The following ZDHHC11B variants were observed in gnomAD, a reference collection of about 807,000 sequenced individuals.
The protein encoded by ZDHHC11B is zDHHC palmitoyltransferase 11B (putative).
Under a neutral mutation model 42.3 loss-of-function variants are expected in ZDHHC11B, and 17 were observed. The ratio of observed to expected loss-of-function variants is 0.40; its 90% CI spans 0.27 to 0.60. The LOEUF is 0.60. ZDHHC11B is among the 20% of genes least tolerant of loss of function. The probability of loss-of-function intolerance (pLI) is 0.41; values close to 1 mark genes in which losing one functional copy is unlikely to be tolerated. For missense variants in ZDHHC11B, 262 were observed against 463.2 expected (o/e 0.57, Z 3.99); for synonymous variants, 123 against 193.5 (o/e 0.64, Z 3.02).
At chr5:754,225 C>T (rs1746221741) in intron 6 of ZDHHC11B, among the ~76,000 whole-genome samples, 1 of 121,404 alleles carries the variant, frequency 8.2e-6, no homozygotes, top group African/African-American at 2.8e-5. Context: ...AAACACGTCT[C>T]ATCTATGAGC....
intron 12 of ZDHHC11B, among the ~76,000 whole-genome samples, chr5:728,124 A>T (rs1230592014): frequency 6.6e-6 from 1 of 151,796 alleles, no homozygotes. Context: ...TAATTCATAC[A>T]AGAGGAACTG....
At chr5:737,740 C>T in intron 10 of ZDHHC11B, among the ~76,000 whole-genome samples, 1 of 149,420 alleles carries the variant, frequency 6.7e-6, no homozygotes. Context: ...AAGCATCTGA[C>T]AAACTCTGCC....
intron 1 of ZDHHC11B, among the ~76,000 whole-genome samples, chr5:775,958 C>T (rs796409573): frequency 0.43 from 50,347 of 116,628 alleles, 8,648 homozygotes; most frequent in Admixed American, 0.46. Context: ...GAGTGCATGC[C>T]AGGAACCCCT....
At chr5:748,758 C>A (rs1428872280) in intron 7 of ZDHHC11B, among the ~76,000 whole-genome samples, 199 bp from the exon 8 acceptor site, 1 of 129,862 alleles carries the variant, frequency 7.7e-6, no homozygotes, top group East Asian at 3.2e-4. Context: ...TTTCATGATC[C>A]CTGCTTTATG....
rs576432603 is a variant in ZDHHC11B at position 733,672 on chromosome 5, C to T, written c.1023+80G>A. The T allele has an allele frequency of 7.0e-5, 90 of 1,290,878 alleles. 1 individual carries two copies. In the African/African-American group the frequency reaches 1.1e-3, roughly 15 times the overall value. 80.0% of individuals were successfully genotyped at this position (1,290,878 alleles called of 1,614,324 possible). The stretch of plus-strand genomic sequence containing the variant: ...GCTTCTATTCTGAATACTGCCTTAA[C>T]CTCAGCTTGGGGGACCCGAGACCAC... On this transcript the variant is annotated intron_variant, in intron 11 of 13. Coordinates refer to ENST00000508859, the MANE Select transcript of ZDHHC11B (RefSeq NM_001351303.2).
At chr5:714,969 C>T (rs1184115683) in intron 13 of ZDHHC11B, among the ~76,000 whole-genome samples, 13 of 151,242 alleles carry the variant, frequency 8.6e-5, no homozygotes, top group Admixed American at 5.3e-4. Context: ...CCCAGCCCTT[C>T]GCCTCCTCTC....
At chr5:775,752 G>A (rs1736421093) in intron 1 of ZDHHC11B, among the ~76,000 whole-genome samples, 1 of 151,754 alleles carries the variant, frequency 6.6e-6, no homozygotes, top group African/African-American at 2.4e-5. Flanking sequence ...CCTGGCAGGG[G>A]CCATGCTGGC....
rs747080342 is a variant in ZDHHC11B at position 732,506 on chromosome 5, G to C, written c.1023+1246C>G. 47 of 347,688 alleles carry C rather than the reference G, an allele frequency of 1.4e-4. 1 individual carries two copies. The highest frequency in any genetic ancestry group is 2.5e-4 in the Non-Finnish European group (43 of 171,830). The allele number at this position is 347,688 out of a possible 1,614,324, so 21.5% of individuals were successfully genotyped here. ...GCGGGGGTGGGCTGGGGGCTCGATT[G>C]GTTTCCACTGAGTGTCTCCAAATCT... On this transcript the variant is annotated intron_variant, in intron 11 of 13. Transcript: ENST00000508859.
At chr5:773,119 G>A (rs568467524) in intron 1 of ZDHHC11B, among the ~76,000 whole-genome samples, 11 of 151,890 alleles carry the variant, frequency 7.2e-5, no homozygotes, top group African/African-American at 2.7e-4. Flanking sequence ...CACAATGACG[G>A]TAATAAGAAT....
intron 8 of ZDHHC11B, among the ~76,000 whole-genome samples, chr5:745,671 T>G (rs1299255189): frequency 1.3e-5 from 2 of 150,088 alleles, no homozygotes; most frequent in Non-Finnish European, 3.0e-5. Context: ...GCCCTGGGAT[T>G]GCTGGCAGGG....
Position 723,413 on chromosome 5 carries a change from T to C in ZDHHC11B, c.1059-6548A>G. Among the ~76,000 whole-genome samples, 2 of 127,244 alleles carry C rather than the reference T, an allele frequency of 1.6e-5. 1 individual carries two copies. Among genetic ancestry groups the C allele is most frequent in the Non-Finnish European group, 3.4e-5 (2 of 58,366 alleles). The allele number at this position is 127,244 out of a possible 152,430, so 83.5% of individuals were successfully genotyped here. A position where few individuals can be genotyped will look rare whatever the true frequency, so the allele number is the denominator to read the frequency against. The stretch of plus-strand genomic sequence containing the variant: ...TGAGGAATAGGGGCTCAGAGTGGTT[T>C]AAAAACTTATGAGATTATAGAACCA... On this transcript the variant is annotated intron_variant, in intron 12 of 13. Coordinates refer to ENST00000508859, the MANE Select transcript of ZDHHC11B (RefSeq NM_001351303.2).
chr5:724,364 C>T (rs1472046997), intron 12 of ZDHHC11B, among the ~76,000 whole-genome samples: 3 of 138,194 alleles, frequency 2.2e-5, no homozygotes, highest in African/African-American at 8.1e-5. Context: ...GCCATCAAAC[C>T]CAGCTAATTT....
At chr5:744,196 G>T (rs371109686) in intron 9 of ZDHHC11B, among the ~76,000 whole-genome samples, 15 of 150,028 alleles carry the variant, frequency 1.0e-4, no homozygotes, top group South Asian at 2.2e-4. Context: ...ACAGTGCACA[G>T]TCCTGCCCCA....
chr5:774,895 C>T (rs1389213770), intron 1 of ZDHHC11B, among the ~76,000 whole-genome samples: 3 of 151,920 alleles, frequency 2.0e-5, no homozygotes, highest in East Asian at 1.9e-4. Flanking sequence ...CACGCCCACG[C>T]GGGGGTGGCG....
intron 1 of ZDHHC11B, among the ~76,000 whole-genome samples, chr5:774,895 CG>C (rs1246048213): frequency 1.3e-5 from 2 of 151,932 alleles, no homozygotes; most frequent in Non-Finnish European, 2.9e-5. Flanking sequence ...CACGCCCACG[CG>C]GGGGTGGCGC....
chr5:713,151 T>C (rs1454406065), intron 13 of ZDHHC11B, among the ~76,000 whole-genome samples: 1 of 151,672 alleles, frequency 6.6e-6, no homozygotes, highest in Non-Finnish European at 1.5e-5. Context: ...GCCTTCAAAC[T>C]GTATTCTCAT....
At chr5:720,889 C>T (rs1742132953) in intron 12 of ZDHHC11B, among the ~76,000 whole-genome samples, 1 of 151,472 alleles carries the variant, frequency 6.6e-6, no homozygotes, top group African/African-American at 2.4e-5. Flanking sequence ...GTGGGAGGAT[C>T]ATGTGAGACC....
intron 4 of ZDHHC11B, 36 bp downstream of exon 4, chr5:766,662 C>T (rs752808865): frequency 5.7e-6 from 9 of 1,569,802 alleles, no homozygotes; most frequent in Middle Eastern, 1.7e-4. Context: ...TCCAGGAACC[C>T]CTCCCGCTTA....
At chr5:768,031 C>CA (rs202151095) in intron 2 of ZDHHC11B, among the ~76,000 whole-genome samples, 4 of 482 alleles carry the variant, frequency 8.3e-3, no homozygotes, top group Admixed American at 0.022. Flanking sequence ...TGGACACTGC[C>CA]AACATCTCCA....
Sources: gnomAD v4.1 joint callset for allele counts (sites outside exome capture counted in the v4.1 genomes callset) on GRCh38, gnomAD v4.1.1 for gene constraint, MANE v1.5 for transcripts, NCBI Gene and HGNC (gene_info 2026-07-23, HGNC 2026-07-21) for gene names.